Variants in ANKS1B observed in about 807,000 individuals in gnomAD.
ANKS1B encodes the protein ankyrin repeat and sterile alpha motif domain-containing protein 1B.
ANKS1B carries 36 observed loss-of-function variants against 148.3 expected under a neutral mutation model. That is an observed-to-expected ratio of 0.24 (90% CI 0.19 to 0.32). The LOEUF is 0.32. ANKS1B is among the 10% of genes least tolerant of loss of function. The probability of loss-of-function intolerance (pLI) is 1.00; values close to 1 mark genes in which losing one functional copy is unlikely to be tolerated. For synonymous variants in ANKS1B, 542 were observed against 560.8 expected, an observed-to-expected ratio of 0.97 and a Z score of 0.47; for missense variants, 1,157 against 1,542.6, an observed-to-expected ratio of 0.75 and a Z score of 4.19.
intron 8 of ANKS1B, among the ~76,000 whole-genome samples, chr12:99,704,644 T>C (rs2055426295): frequency 6.6e-6 from 1 of 152,026 alleles, no homozygotes; most frequent in Admixed American, 6.6e-5. Context: ...TATATTTCAG[T>C]TATGCTCCCT....
At chr12:99,398,485 G>T (rs2152571009) in intron 12 of ANKS1B, among the ~76,000 whole-genome samples, 1 of 152,156 alleles carries the variant, frequency 6.6e-6, no homozygotes, top group South Asian at 2.1e-4. Context: ...CTGGGTTTTT[G>T]AATCATGTTT....
At chr12:99,531,307 A>G (rs951655708) in intron 9 of ANKS1B, among the ~76,000 whole-genome samples, 4 of 152,116 alleles carry the variant, frequency 2.6e-5, no homozygotes, top group African/African-American at 9.7e-5. Flanking sequence ...TTATTTCAAT[A>G]GCTTTAGGAA....
intron 12 of ANKS1B, among the ~76,000 whole-genome samples, chr12:99,260,207 T>G (rs915139836): frequency 2.6e-5 from 4 of 151,904 alleles, no homozygotes; most frequent in Non-Finnish European, 5.9e-5. Flanking sequence ...TCTGAAGAAA[T>G]AAAACAAAAA....
intron 8 of ANKS1B, among the ~76,000 whole-genome samples, chr12:99,692,290 C>A (rs749363033): frequency 1.3e-5 from 2 of 151,976 alleles, no homozygotes; most frequent in Non-Finnish European, 2.9e-5. Context: ...GGGATAGTGG[C>A]AAAAGAAGTT....
chr12:99,046,688 A>G (rs1377580674), intron 17 of ANKS1B, among the ~76,000 whole-genome samples: 1 of 152,060 alleles, frequency 6.6e-6, no homozygotes, highest in East Asian at 1.9e-4. Context: ...AGTCCCAGCT[A>G]CTTGGAAGGC....
At chr12:99,443,951 GTA>G in intron 10 of ANKS1B, 142 bp from the exon 11 acceptor site, 1 of 947,900 alleles carries the variant, frequency 1.1e-6, no homozygotes, top group East Asian at 2.6e-5. Context: ...AATATGCTCA[GTA>G]GTATATTTTA....
intron 17 of ANKS1B, among the ~76,000 whole-genome samples, chr12:98,954,599 T>C (rs1041638674): frequency 6.6e-6 from 1 of 152,228 alleles, no homozygotes; most frequent in East Asian, 1.9e-4. Flanking sequence ...AATTGCATTT[T>C]GTGTCTGAAA....
chr12:99,672,690 C>A (rs2098543729), intron 8 of ANKS1B, among the ~76,000 whole-genome samples: 1 of 152,112 alleles, frequency 6.6e-6, no homozygotes, highest in Non-Finnish European at 1.5e-5. Flanking sequence ...GTGTGAATCC[C>A]AACCTTAGGG....
intron 8 of ANKS1B, among the ~76,000 whole-genome samples, chr12:99,748,391 T>C (rs889050375): frequency 9.9e-5 from 15 of 151,592 alleles, no homozygotes; most frequent in African/African-American, 3.6e-4. Flanking sequence ...CTGCCTAAAA[T>C]TGGCTTGAGA....
intron 17 of ANKS1B, among the ~76,000 whole-genome samples, chr12:98,849,334 C>A (rs985132068): frequency 6.6e-6 from 1 of 151,958 alleles, no homozygotes; most frequent in Middle Eastern, 3.2e-3. Context: ...AGCCTCCCTG[C>A]AGGAAAATTA....
intron 8 of ANKS1B, among the ~76,000 whole-genome samples, chr12:99,743,796 G>C (rs372120269): frequency 6.6e-6 from 1 of 152,288 alleles, no homozygotes; most frequent in South Asian, 2.1e-4. Flanking sequence ...AGAAAATGGA[G>C]TAGTGTTAAT....
chr12:99,040,373 C>T (rs1171359101), intron 17 of ANKS1B, among the ~76,000 whole-genome samples: 2 of 151,988 alleles, frequency 1.3e-5, no homozygotes, highest in Non-Finnish European at 1.5e-5. Flanking sequence ...CACCATGTGC[C>T]CTCCAGTGGC....
chr12:99,805,288 A>AAAAAAAAAAAC (rs2067491542), intron 4 of ANKS1B, among the ~76,000 whole-genome samples: 1 of 136,702 alleles, frequency 7.3e-6, no homozygotes, highest in Non-Finnish European at 1.6e-5. Flanking sequence ...AAAAAAAAAA[A>AAAAAAAAAAAC]GACTAACCCT....
At position 99,049,253 on chromosome 12, in the gene ANKS1B, C is replaced by A. The variant is rs182432621; in HGVS notation, c.2778+3904G>T. Reference sequence around the variant, plus strand: ...GCAATTTGTGAATTTAGTAATTATTCTTCTTGGTTATGAGCATAAGTTACC... The same window carrying A: ...GCAATTTGTGAATTTAGTAATTATTATTCTTGGTTATGAGCATAAGTTACC... On this transcript the variant is annotated intron_variant, in intron 17 of 26. Coordinates refer to ENST00000683438, the MANE Select transcript of ANKS1B (RefSeq NM_001352186.2). The A allele has an allele frequency of 4.6e-5, 7 of 152,102 alleles. No individual in the cohort carries two copies. In the East Asian group the frequency reaches 7.7e-4, roughly 17 times the overall value. The allele number at this position is 152,102 out of a possible 1,614,324, so 9.4% of individuals were successfully genotyped here. A position where few individuals can be genotyped will look rare whatever the true frequency, so the allele number is the denominator to read the frequency against.
At chr12:99,824,857 T>G (rs904705426) in intron 2 of ANKS1B, among the ~76,000 whole-genome samples, 9 of 152,188 alleles carry the variant, frequency 5.9e-5, no homozygotes. Flanking sequence ...ATAAAACATT[T>G]TAGCTAAATA....
intron 19 of ANKS1B, among the ~76,000 whole-genome samples, chr12:98,816,685 C>G (rs2153647967): frequency 6.6e-6 from 1 of 152,352 alleles, no homozygotes; most frequent in South Asian, 2.1e-4. Context: ...TACTGGTCAT[C>G]TACTGTGTGC....
At chr12:99,639,295 C>A (rs2098277138) in intron 9 of ANKS1B, among the ~76,000 whole-genome samples, 1 of 152,188 alleles carries the variant, frequency 6.6e-6, no homozygotes, top group Non-Finnish European at 1.5e-5. Flanking sequence ...TCTGTATCCC[C>A]ATTGTATACA....
chr12:99,378,391 C>T (rs2093479607), intron 12 of ANKS1B, among the ~76,000 whole-genome samples: 1 of 152,046 alleles, frequency 6.6e-6, no homozygotes, highest in Non-Finnish European at 1.5e-5. Context: ...CATGGTGGCT[C>T]ATGCCTGTAA....
intron 1 of ANKS1B, among the ~76,000 whole-genome samples, chr12:99,884,468 T>G (rs1218544522): frequency 6.6e-6 from 1 of 152,222 alleles, no homozygotes; most frequent in Non-Finnish European, 1.5e-5. Context: ...TACAGTAGCT[T>G]TATTCATAAA....
Sources: allele counts gnomAD v4.1 joint callset (sites outside exome capture counted in the v4.1 genomes callset), GRCh38; gene constraint gnomAD v4.1.1; transcripts MANE v1.5; gene names NCBI Gene and HGNC (gene_info 2026-07-23, HGNC 2026-07-21).